AGFG1: variants seen among roughly 807,000 people sequenced by gnomAD.
AGFG1 encodes the protein ArfGAP with FG repeats 1, also known as arf-GAP domain and FG repeat-containing protein 1.
A neutral mutation model predicts 60.6 loss-of-function variants in AGFG1; 10 were observed. The observed-to-expected ratio is 0.16, with a 90% CI of 0.10 to 0.28. The LOEUF (loss-of-function observed/expected upper bound fraction) is 0.28, where lower values mean the gene tolerates loss of function less well. Among genes scored for constraint, AGFG1 ranks in the 10% least tolerant of loss-of-function variants. The pLI is 1.00. For missense variants in AGFG1, 537 were observed against 676.5 expected (o/e 0.79, Z 2.29); for synonymous variants, 247 against 242.9 (o/e 1.02, Z -0.16).
intron 2 of AGFG1, among the ~76,000 whole-genome samples, chr2:227,514,390 G>A (rs1282945248): frequency 2.0e-5 from 3 of 151,912 alleles, no homozygotes; most frequent in Admixed American, 1.3e-4. Flanking sequence ...TTTTTTGTGT[G>A]TGTTCTTAGT....
chr2:227,472,475 G>A lies in AGFG1; in HGVS notation c.54G>A (p.Arg18=), dbSNP rs1454475268. ...KQEEKHLKML[R]DMTGLPHNRK... is the part of the protein sequence containing the mutation. ...AGGAGAAGCACCTGAAGATGCTGCG[G>A]GACATGACCGGCCTCCCGCACAACC... Residue 18 remains arginine, a synonymous_variant, in exon 1 of 13, where the codon CGG becomes CGA. Coordinates refer to ENST00000310078, the MANE Select transcript of AGFG1 (RefSeq NM_004504.5). 27 of 1,576,424 alleles carry A rather than the reference G, an allele frequency of 1.7e-5. No individual in the cohort carries two copies. The highest frequency in any genetic ancestry group is 2.2e-5 in the Non-Finnish European group (26 of 1,161,874).
At chr2:227,553,236 G>A (rs768823469) in intron 11 of AGFG1, among the ~76,000 whole-genome samples, 6 of 152,096 alleles carry the variant, frequency 3.9e-5, no homozygotes, top group African/African-American at 1.4e-4. Context: ...GATGGCTCAC[G>A]CCTATAATCC....
intron 1 of AGFG1, among the ~76,000 whole-genome samples, chr2:227,475,340 C>T (rs1200621795): frequency 6.6e-6 from 1 of 152,136 alleles, no homozygotes; most frequent in African/African-American, 2.4e-5. Context: ...TAGATCATGC[C>T]ACAACTGGAC....
At chr2:227,532,258 G>T in intron 6 of AGFG1, 2 of 1,408,860 alleles carry the variant, frequency 1.4e-6, no homozygotes, top group East Asian at 2.6e-5. Flanking sequence ...GTATATTTTT[G>T]CTATACTTCA....
chr2:227,537,871 A>G lies in AGFG1; in HGVS notation c.1378+878A>G, dbSNP rs576047327. ...CATTTTAATCAAACCATTAAGAATT[A>G]CTAGTTTTTAGTAAATCTCTTTGTC... On this transcript the variant is annotated intron_variant, in intron 10 of 12. Transcript: ENST00000310078. Among the ~76,000 whole-genome samples, 15 of 152,338 alleles carry G rather than the reference A, an allele frequency of 9.8e-5. No homozygotes were observed. In the South Asian group the frequency reaches 2.9e-3, roughly 29 times the overall value.
intron 10 of AGFG1, among the ~76,000 whole-genome samples, chr2:227,546,552 C>G (rs1327717977): frequency 6.6e-6 from 1 of 152,208 alleles, no homozygotes; most frequent in Admixed American, 6.5e-5. Flanking sequence ...GCAGAAATCA[C>G]CCTTCTTCTG....
intron 5 of AGFG1, among the ~76,000 whole-genome samples, chr2:227,525,301 G>C (rs1317862725): frequency 1.3e-5 from 2 of 152,092 alleles, no homozygotes; most frequent in Non-Finnish European, 2.9e-5. Flanking sequence ...TTTAGACATA[G>C]TATTAGTTTA....
intron 10 of AGFG1, among the ~76,000 whole-genome samples, chr2:227,549,777 A>G (rs531078402): frequency 1.3e-5 from 2 of 152,198 alleles, no homozygotes; most frequent in Non-Finnish European, 2.9e-5. Context: ...AAAAAAGTTG[A>G]TGCCTATTTG....
At chr2:227,489,343 G>A (rs1206892977) in intron 1 of AGFG1, among the ~76,000 whole-genome samples, 1 of 143,038 alleles carries the variant, frequency 7.0e-6, no homozygotes, top group Admixed American at 7.6e-5. Flanking sequence ...CGATTCTCCT[G>A]CCTCAGCCTC....
At chr2:227,499,469 A>G (rs1020115872) in intron 2 of AGFG1, among the ~76,000 whole-genome samples, 3 of 136,324 alleles carry the variant, frequency 2.2e-5, no homozygotes, top group African/African-American at 8.9e-5. Context: ...GCAAAACCCC[A>G]TCTCTACTAA....
chr2:227,546,510 A>C (rs901918705), intron 10 of AGFG1, among the ~76,000 whole-genome samples: 1 of 152,162 alleles, frequency 6.6e-6, no homozygotes, highest in East Asian at 1.9e-4. Flanking sequence ...AACCAGTCCC[A>C]GTGAGATGAA....
Position 227,514,288 on chromosome 2 carries a change from T to C in AGFG1, c.262-5660T>C, listed in dbSNP as rs1235090541. Among the ~76,000 whole-genome samples, 3 of 152,336 alleles carry C rather than the reference T, an allele frequency of 2.0e-5. No individual in the cohort carries two copies. In the South Asian group the frequency reaches 6.2e-4, roughly 32 times the overall value. On this transcript the variant is annotated intron_variant, in intron 2 of 12. Transcript: ENST00000310078. ...GTACAGTGGCACGATCTCAGCTCACTGCACCTTCTGCCTCCCGGGCTCAAG... is the reference window on the plus strand; with the variant it reads ...GTACAGTGGCACGATCTCAGCTCACCGCACCTTCTGCCTCCCGGGCTCAAG...
intron 7 of AGFG1, among the ~76,000 whole-genome samples, chr2:227,534,007 C>T (rs1174082088): frequency 6.6e-6 from 1 of 152,020 alleles, no homozygotes; most frequent in Non-Finnish European, 1.5e-5. Flanking sequence ...TTTATTTTGT[C>T]CTAGAAGGCG....
At chr2:227,540,087 C>T (rs369120477) in intron 10 of AGFG1, among the ~76,000 whole-genome samples, 3 of 152,078 alleles carry the variant, frequency 2.0e-5, no homozygotes, top group African/African-American at 4.8e-5. Flanking sequence ...CTGCCTGCCT[C>T]GGCCTCCCAA....
At chr2:227,489,223 GTTTTTT>G (rs55762248) in intron 1 of AGFG1, among the ~76,000 whole-genome samples, 2 of 74,778 alleles carry the variant, frequency 2.7e-5, no homozygotes, top group Non-Finnish European at 4.6e-5. Flanking sequence ...AGTTTTGAGA[GTTTTTT>G]TTTTTTTTTT....
chr2:227,500,199 G>A (rs574751171), intron 2 of AGFG1, among the ~76,000 whole-genome samples: 93 of 152,172 alleles, frequency 6.1e-4, no homozygotes, highest in Non-Finnish European at 1.1e-3. Context: ...GGCCATGCCT[G>A]CAAGAACTTC....
rs2106254362 is a variant in AGFG1 at position 227,560,214 on chromosome 2, T to C, written c.*5719T>C. 4 of 152,288 alleles carry C rather than the reference T, an allele frequency of 2.6e-5. No individual in the cohort carries two copies. The highest frequency in any genetic ancestry group is 2.6e-4 in the Admixed American group (4 of 15,290). The allele number at this position is 152,288 out of a possible 1,614,324, so 9.4% of individuals were successfully genotyped here. ...TGTCTCCAGGATTCCATTATATGGA[T>C]GTCCCTTTGGGAGAACATTTGTTTA... On this transcript the variant is annotated 3_prime_UTR_variant, in exon 13 of 13. Coordinates refer to ENST00000310078, the MANE Select transcript of AGFG1 (RefSeq NM_004504.5).
chr2:227,489,915 A>T (rs577475955), intron 1 of AGFG1, among the ~76,000 whole-genome samples: 1 of 151,888 alleles, frequency 6.6e-6, no homozygotes, highest in African/African-American at 2.4e-5. Context: ...TCCTGGGTTC[A>T]AGCAATTTTC....
chr2:227,497,735 G>GTTTTTTTTTTTTTTTTTTTTTTTT lies in AGFG1; in HGVS notation c.261+6098_261+6121dup, dbSNP rs869114764. 1.8e-4 allele frequency among the ~76,000 whole-genome samples: 5 copies of GTTTTTTTTTTTTTTTTTTTTTTTT among 28,016 alleles called. 2 individuals carry two copies. Among genetic ancestry groups the GTTTTTTTTTTTTTTTTTTTTTTTT allele is most frequent in the African/African-American group, 1.3e-4 (1 of 7,900 alleles). 18.4% of individuals were successfully genotyped at this position (28,016 alleles called of 152,430 possible). A position where few individuals can be genotyped will look rare whatever the true frequency, so the allele number is the denominator to read the frequency against. On this transcript the variant is annotated intron_variant, in intron 2 of 12. Transcript: ENST00000310078. The stretch of plus-strand genomic sequence containing the variant: ...GCCAAATGAGTTTCTTTCTTGTTTT[G>GTTTTTTTTTTTTTTTTTTTTTTTT]TTTTTTTTTTTTTTTTTTTTTTTTT...
Sources: allele counts gnomAD v4.1 joint callset (sites outside exome capture counted in the v4.1 genomes callset), GRCh38; gene constraint gnomAD v4.1.1; transcripts MANE v1.5; gene names NCBI Gene and HGNC (gene_info 2026-07-23, HGNC 2026-07-21).